ENPP1: variants seen among roughly 807,000 people sequenced by gnomAD.
The protein encoded by ENPP1 is ectonucleotide pyrophosphatase/phosphodiesterase 1, also known as ectonucleotide pyrophosphatase/phosphodiesterase family member 1.
Under a neutral mutation model 122.8 loss-of-function variants are expected in ENPP1, and 73 were observed. The ratio of observed to expected loss-of-function variants is 0.59; its 90% CI spans 0.49 to 0.72. The LOEUF (loss-of-function observed/expected upper bound fraction) is 0.72, where lower values mean the gene tolerates loss of function less well. Among genes scored for constraint, ENPP1 ranks in the 30% least tolerant of loss-of-function variants. The pLI, the probability that ENPP1 is intolerant of heterozygous loss-of-function variation, is 0.00. For synonymous variants in ENPP1, 367 were observed against 391.6 expected, an observed-to-expected ratio of 0.94 and a Z score of 0.74; for missense variants, 978 against 1,128.1, an observed-to-expected ratio of 0.87 and a Z score of 1.91.
intron 1 of ENPP1, among the ~76,000 whole-genome samples, chr6:131,833,566 C>T (rs967846089): frequency 6.6e-6 from 1 of 152,076 alleles, no homozygotes; most frequent in Non-Finnish European, 1.5e-5. Flanking sequence ...TTGTGTCATA[C>T]TTGTAAAGCA....
chr6:131,827,682 G>T, intron 1 of ENPP1: 1 of 652,476 alleles, frequency 1.5e-6, no homozygotes, highest in Non-Finnish European at 2.9e-6. Context: ...CTACGTGCAT[G>T]CGGAATCTTC....
rs1782479322 is a variant in ENPP1 at position 131,892,151 on chromosome 6, C to G, written c.*1640C>G. On this transcript the variant is annotated 3_prime_UTR_variant, in exon 25 of 25. Transcript: ENST00000647893. ...CTCATTGTTTGCATCTACTGATGGT[C>G]TTTTTTCCATTCGGAAACATTTTCC... 1 of 151,890 alleles carries G rather than the reference C, an allele frequency of 6.6e-6. No individual in the cohort carries two copies. Among genetic ancestry groups the G allele is most frequent in the Admixed American group, 6.6e-5 (1 of 15,240 alleles). The allele number at this position is 151,890 out of a possible 1,614,324, so 9.4% of individuals were successfully genotyped here. A position where few individuals can be genotyped will look rare whatever the true frequency, so the allele number is the denominator to read the frequency against.
intron 6 of ENPP1, among the ~76,000 whole-genome samples, chr6:131,856,949 C>T (rs1781954700): frequency 6.6e-6 from 1 of 151,966 alleles, no homozygotes; most frequent in Non-Finnish European, 1.5e-5. Flanking sequence ...GTTCTTTTGG[C>T]TTAGGATTGA....
chr6:131,869,279 A>G (rs1782128069), intron 12 of ENPP1, 79 bp from the exon 13 acceptor site: 2 of 1,398,016 alleles, frequency 1.4e-6, no homozygotes, highest in Middle Eastern at 2.1e-4. Flanking sequence ...TTAACCTTGG[A>G]AGTGAAAGAA....
intron 9 of ENPP1, 53 bp from the exon 10 acceptor site, chr6:131,864,453 T>TA: frequency 8.4e-7 from 1 of 1,187,926 alleles, no homozygotes. Context: ...AACTATATTT[T>TA]ACACCCAAAC....
chr6:131,850,112 G>A lies in ENPP1; in HGVS notation c.430+6G>A. On this transcript the variant is annotated splice_donor_region_variant and intron_variant, in intron 3 of 24. Transcript: ENST00000647893. The stretch of plus-strand genomic sequence containing the variant: ...GGAGACGTGCATAGAACCAGGTAAG[G>A]ATGAGCAGGGAAAAAAGTGGAGTTA... 1 of 1,560,498 alleles carries A rather than the reference G, an allele frequency of 6.4e-7. No homozygotes were observed. The highest frequency in any genetic ancestry group is 8.8e-7 in the Non-Finnish European group (1 of 1,131,054).
At chr6:131,869,931 T>A (rs1782140436) in intron 13 of ENPP1, among the ~76,000 whole-genome samples, 1 of 152,058 alleles carries the variant, frequency 6.6e-6, no homozygotes, top group Admixed American at 6.6e-5. Flanking sequence ...CACAGTTAAT[T>A]TTTTTATGAT....
At chr6:131,828,406 G>A in intron 1 of ENPP1, 2 of 355,888 alleles carry the variant, frequency 5.6e-6, no homozygotes, top group Non-Finnish European at 1.1e-5. Flanking sequence ...CTCGGTTAGT[G>A]TAATCATGAC....
At chr6:131,848,482 G>A (rs1290966027) in intron 2 of ENPP1, among the ~76,000 whole-genome samples, 1 of 151,878 alleles carries the variant, frequency 6.6e-6, no homozygotes, top group African/African-American at 2.4e-5. Context: ...AAATTGAACA[G>A]GTTCTTCTGT....
Position 131,874,261 on chromosome 6 carries a change from A to G in ENPP1, c.1566-7A>G, listed in dbSNP as rs995508327. 6.6e-7 allele frequency: 1 copy of G among 1,519,702 alleles called. No individual in the cohort carries two copies. The highest frequency in any genetic ancestry group is 1.7e-5 in the Admixed American group (1 of 59,852). The allele number at this position is 1,519,702 out of a possible 1,614,324, so 94.1% of individuals were successfully genotyped here. A position where few individuals can be genotyped will look rare whatever the true frequency, so the allele number is the denominator to read the frequency against. ...TTACATTTTTAATTCATATATGTCA[A>G]CATTAGGAATCCCTCAGAAAGGAAA... On this transcript the variant is annotated splice_polypyrimidine_tract_variant and splice_region_variant and intron_variant, in intron 15 of 24. Coordinates refer to ENST00000647893, the MANE Select transcript of ENPP1 (RefSeq NM_006208.3).
intron 12 of ENPP1, 31 bp downstream of exon 12, chr6:131,868,157 G>GCCCTTTATCCTGAA: frequency 6.8e-7 from 1 of 1,480,470 alleles, no homozygotes; most frequent in Non-Finnish European, 9.4e-7. Flanking sequence ...TTACTCTTCA[G>GCCCTTTATCCTGAA]GATAAAGGGC....
At chr6:131,881,208 A>G (rs1782300777) in intron 20 of ENPP1, among the ~76,000 whole-genome samples, 1 of 152,208 alleles carries the variant, frequency 6.6e-6, no homozygotes, top group South Asian at 2.1e-4. Context: ...GTCTGTTTAT[A>G]TATAATTTCT....
At position 131,827,971 on chromosome 6, in the gene ENPP1, A is replaced by G; in HGVS notation, c.240+19696A>G. 3.8e-6 allele frequency: 3 copies of G among 779,372 alleles called. No homozygotes were observed. In the East Asian group the frequency reaches 8.5e-5, roughly 22 times the overall value. 48.3% of individuals were successfully genotyped at this position (779,372 alleles called of 1,614,324 possible). On this transcript the variant is annotated intron_variant, in intron 1 of 24. Coordinates refer to ENST00000647893, the MANE Select transcript of ENPP1 (RefSeq NM_006208.3). ...ATAAAGGATGGCCACAAAATGCTCA[A>G]GCTTGGAGCTGGTACCTGGGGTAGT...
At chr6:131,853,889 G>A (rs1036864137) in intron 5 of ENPP1, among the ~76,000 whole-genome samples, 5 of 152,040 alleles carry the variant, frequency 3.3e-5, no homozygotes, top group Non-Finnish European at 7.4e-5. Context: ...AGCTATTCTC[G>A]TTTGTCAAGT....
At chr6:131,868,166 G>A (rs1001200923) in intron 12 of ENPP1, 40 bp downstream of exon 12, 1 of 1,423,032 alleles carries the variant, frequency 7.0e-7, no homozygotes. Flanking sequence ...AGGATAAAGG[G>A]CTGAAGAAAG....
intron 1 of ENPP1, among the ~76,000 whole-genome samples, chr6:131,839,837 TAC>T (rs1202864214): frequency 6.6e-6 from 1 of 152,154 alleles, no homozygotes; most frequent in African/African-American, 2.4e-5. Context: ...TACAGTTATA[TAC>T]AGTTATATAC....
intron 3 of ENPP1, among the ~76,000 whole-genome samples, 185 bp from the exon 4 acceptor site, chr6:131,850,957 T>C (rs1300007323): frequency 6.6e-6 from 1 of 152,192 alleles, no homozygotes; most frequent in Admixed American, 6.5e-5. Context: ...AATAATTGGT[T>C]CCTACATATT....
rs372037294 is a variant in ENPP1 at position 131,853,452 on chromosome 6, C to A, written c.617+1217C>A. On this transcript the variant is annotated intron_variant, in intron 5 of 24. Transcript: ENST00000647893. The stretch of plus-strand genomic sequence containing the variant: ...TTTACAAGAAGATTGTAACTTAGGA[C>A]ACTTATTATTACACTGGATAATTTA... 9.7e-4 allele frequency among the ~76,000 whole-genome samples: 148 copies of A among 152,202 alleles called. 7 individuals carry two copies. In the South Asian group the frequency reaches 0.03, roughly 31 times the overall value.
chr6:131,862,700 A>G (rs1202549508), intron 9 of ENPP1, among the ~76,000 whole-genome samples: 1 of 152,152 alleles, frequency 6.6e-6, no homozygotes, highest in East Asian at 1.9e-4. Context: ...TGATACATGG[A>G]TTGCAGGGCA....
Sources: allele counts gnomAD v4.1 joint callset (sites outside exome capture counted in the v4.1 genomes callset), GRCh38; gene constraint gnomAD v4.1.1; transcripts MANE v1.5; gene names NCBI Gene and HGNC (gene_info 2026-07-23, HGNC 2026-07-21).